The following EFR3A variants were observed in gnomAD, a reference collection of about 807,000 sequenced individuals.
EFR3A encodes the protein EFR3 homolog A, also known as protein EFR3 homolog A.
In EFR3A, 76 loss-of-function variants were observed where a neutral mutation model predicts 104.4. That is an observed-to-expected ratio of 0.73 (90% CI 0.60 to 0.88). EFR3A has a LOEUF of 0.88. Among genes scored for constraint, EFR3A ranks in the 40% least tolerant of loss-of-function variants. The pLI is 0.00. For synonymous variants in EFR3A, 330 were observed against 330.0 expected (o/e 1.00, Z 0.00); for missense variants, 985 against 1,012.5 (o/e 0.97, Z 0.37).
At chr8:131,999,683 T>G (rs1236777485) in intron 19 of EFR3A, among the ~76,000 whole-genome samples, 1 of 150,778 alleles carries the variant, frequency 6.6e-6, no homozygotes, top group Admixed American at 6.6e-5. Context: ...TAAATGCTAG[T>G]ATAAAGCAGT....
At chr8:131,984,321 A>G in intron 15 of EFR3A, 21 bp downstream of exon 15, 1 of 1,492,062 alleles carries the variant, frequency 6.7e-7, no homozygotes, top group Non-Finnish European at 8.9e-7. Context: ...ATAACCGTTC[A>G]CTGCAGAAAA....
At chr8:131,956,809 C>A (rs1348855270) in intron 7 of EFR3A, among the ~76,000 whole-genome samples, 2 of 152,092 alleles carry the variant, frequency 1.3e-5, no homozygotes, top group African/African-American at 4.8e-5. Context: ...ATATTGAGAT[C>A]TATTGTTTAA....
intron 9 of EFR3A, among the ~76,000 whole-genome samples, chr8:131,969,285 A>T (rs1216035808): frequency 1.3e-5 from 2 of 152,134 alleles, no homozygotes; most frequent in Non-Finnish European, 2.9e-5. Flanking sequence ...AAGTGGAAAT[A>T]TATTATCTAA....
chr8:131,973,351 G>A (rs16904562), intron 10 of EFR3A, among the ~76,000 whole-genome samples: 6,261 of 151,844 alleles, frequency 0.041, 313 homozygotes, highest in East Asian at 0.12. Context: ...AGCTAATCTT[G>A]TTTTCACAGA....
At chr8:131,908,242 A>G (rs1478687081) in intron 1 of EFR3A, among the ~76,000 whole-genome samples, 3 of 151,830 alleles carry the variant, frequency 2.0e-5, no homozygotes, top group African/African-American at 7.3e-5. Flanking sequence ...TTGTATTTTT[A>G]GTAGAGATGG....
chr8:131,996,296 ACTGT>A (rs1764443914), intron 18 of EFR3A, 106 bp from the exon 19 acceptor site: 1 of 637,972 alleles, frequency 1.6e-6, no homozygotes, highest in Non-Finnish European at 2.5e-6. Context: ...AAAAAGACAA[ACTGT>A]CTGAATTTTT....
At chr8:131,967,960 A>G (rs1819841866) in intron 8 of EFR3A, among the ~76,000 whole-genome samples, 1 of 152,148 alleles carries the variant, frequency 6.6e-6, no homozygotes, top group Non-Finnish European at 1.5e-5. Context: ...AAATATAAAG[A>G]TAATGAAGTT....
At chr8:132,006,863 GATCA>G (rs1822080183) in intron 22 of EFR3A, among the ~76,000 whole-genome samples, 1 of 151,906 alleles carries the variant, frequency 6.6e-6, no homozygotes, top group Non-Finnish European at 1.5e-5. Flanking sequence ...TTAGAAAATT[GATCA>G]GTCAGCAAAA....
intron 8 of EFR3A, among the ~76,000 whole-genome samples, 200 bp downstream of exon 8, chr8:131,959,863 A>T (rs1819214670): frequency 6.6e-6 from 1 of 152,178 alleles, no homozygotes; most frequent in African/African-American, 2.4e-5. Context: ...AAAATAACTA[A>T]ATCATTCTAT....
rs370276870 is a variant in EFR3A, at chr8:132,002,585, T to C, written c.2207-18T>C. ...ATTATGTATTCCCTTTAATAAGTCT[T>C]TATAAATATTTGTATAGATACCAGT... On this transcript the variant is annotated intron_variant, in intron 20 of 22. Transcript: ENST00000254624. 3 of 1,586,128 alleles carry C rather than the reference T, an allele frequency of 1.9e-6. No homozygotes were observed.
intron 19 of EFR3A, among the ~76,000 whole-genome samples, chr8:131,996,914 C>T (rs1381637402): frequency 6.6e-6 from 1 of 151,990 alleles, no homozygotes; most frequent in African/African-American, 2.4e-5. Context: ...TCATGTGAAG[C>T]CAAATGCTGA....
At chr8:131,973,360 G>A (rs1445458563) in intron 10 of EFR3A, among the ~76,000 whole-genome samples, 1 of 151,980 alleles carries the variant, frequency 6.6e-6, no homozygotes, top group African/African-American at 2.4e-5. Context: ...TGTTTTCACA[G>A]AATTGATTTA....
chr8:132,010,863 G>C lies in EFR3A; in HGVS notation c.2434G>C (p.Glu812Gln). 1 of 1,612,484 alleles carries C rather than the reference G, an allele frequency of 6.2e-7. No individual in the cohort carries two copies. Among genetic ancestry groups the C allele is most frequent in the South Asian group, 1.1e-5 (1 of 90,988 alleles). Residue 812 changes from glutamate to glutamine, a missense_variant, in exon 23 of 23, where the codon GAG (glutamate) becomes CAG (glutamine). By Grantham distance (29) the Glu-to-Gln change is conservative (BLOSUM62 2). Coordinates refer to ENST00000254624, the MANE Select transcript of EFR3A (RefSeq NM_015137.6). ...HAQYQSVPVY[E>Q]MKFPDLCVY Reference sequence around the variant, plus strand: ...CCAATACCAATCTGTCCCAGTCTATGAGATGAAGTTTCCAGATCTGTGTGT... The same window carrying C: ...CCAATACCAATCTGTCCCAGTCTATCAGATGAAGTTTCCAGATCTGTGTGT...
chr8:131,976,069 T>C lies in EFR3A; in HGVS notation c.1202T>C (p.Ile401Thr). The change falls in exon 11 of 23, where the codon ATC (isoleucine) becomes ACC (threonine). Residue 401 changes from isoleucine to threonine, a missense_variant. Physicochemically the swap from Ile to Thr is moderately conservative, Grantham distance 89 (BLOSUM62 -1). Transcript: ENST00000254624. ...CTACCAGATTATCAGAGGTCAGAAA[T>C]CATGATGTTCATTATGGGGAAAGTA... ...SNLPDYQRSE[I>T]MMFIMGKVPV... The C allele has an allele frequency of 1.2e-6, 2 of 1,607,448 alleles. No homozygotes were observed. Among genetic ancestry groups the C allele is most frequent in the East Asian group, 4.5e-5 (2 of 44,716 alleles).
At chr8:131,963,207 A>C (rs1322846960) in intron 8 of EFR3A, among the ~76,000 whole-genome samples, 1 of 150,896 alleles carries the variant, frequency 6.6e-6, no homozygotes. Context: ...AGAAGGCAAG[A>C]AATAACTAAG....
intron 8 of EFR3A, 48 bp from the exon 9 acceptor site, chr8:131,968,247 A>G: frequency 6.4e-7 from 1 of 1,560,536 alleles, no homozygotes; most frequent in Non-Finnish European, 8.7e-7. Flanking sequence ...AATTCTGCCA[A>G]GGTACATGTA....
intron 5 of EFR3A, among the ~76,000 whole-genome samples, chr8:131,952,080 C>T (rs1284071567): frequency 2.0e-5 from 3 of 152,042 alleles, no homozygotes; most frequent in African/African-American, 4.8e-5. Context: ...TAGAGTCATG[C>T]ATCACAATCT....
At chr8:131,910,914 A>G (rs574788588) in intron 1 of EFR3A, among the ~76,000 whole-genome samples, 2 of 152,262 alleles carry the variant, frequency 1.3e-5, no homozygotes, top group African/African-American at 2.4e-5. Context: ...AAATAAAGAG[A>G]AGGGCACAGA....
In EFR3A at chr8:131,996,583, AG is replaced by A. The variant is rs1485441649; in HGVS notation, c.2157+88del. ...TTTGCCTTCCACACTTTCGAACAGG[AG>A]GAAATACAACTCTAAATTATCCTCA... is the stretch of plus-strand genomic sequence containing the variant. On this transcript the variant is annotated intron_variant, in intron 19 of 22. Coordinates refer to ENST00000254624, the MANE Select transcript of EFR3A (RefSeq NM_015137.6). The A allele has an allele frequency of 6.6e-5, 44 of 666,632 alleles. No individual in the cohort carries two copies. The African/African-American group carries it at 7.5e-4, about 11-fold the overall frequency. 41.3% of individuals were successfully genotyped at this position (666,632 alleles called of 1,614,324 possible). A position where few individuals can be genotyped will look rare whatever the true frequency, so the allele number is the denominator to read the frequency against.
Sources: allele counts gnomAD v4.1 joint callset (sites outside exome capture counted in the v4.1 genomes callset), GRCh38; gene constraint gnomAD v4.1.1; transcripts MANE v1.5; gene names NCBI Gene and HGNC (gene_info 2026-07-23, HGNC 2026-07-21).